Variants in ZNF516 observed in about 807,000 individuals in gnomAD.
The protein encoded by ZNF516 is zinc finger protein 516.
Under a neutral mutation model 79.7 loss-of-function variants are expected in ZNF516, and 19 were observed. The ratio of observed to expected loss-of-function variants is 0.24; its 90% CI spans 0.17 to 0.35. The LOEUF is 0.35. Among genes scored for constraint, ZNF516 ranks in the 10% least tolerant of loss-of-function variants. The pLI is 1.00. For synonymous variants in ZNF516, 877 were observed against 739.5 expected (o/e 1.19, Z -3.02); for missense variants, 1,678 against 1,679.5 (o/e 1.00, Z 0.02).
chr18:76,369,863 T>C (rs1179679030), intron 6 of ZNF516, among the ~76,000 whole-genome samples: 1 of 152,134 alleles, frequency 6.6e-6, no homozygotes, highest in African/African-American at 2.4e-5. Flanking sequence ...GCAATGAAAA[T>C]ACATACTCTC....
intron 3 of ZNF516, among the ~76,000 whole-genome samples, chr18:76,428,328 G>C (rs906177603): frequency 6.6e-6 from 1 of 150,920 alleles, no homozygotes; most frequent in Non-Finnish European, 1.5e-5. Context: ...GACAGACAGA[G>C]GTTGCAGTGA....
At chr18:76,410,728 G>A (rs1433503550) in intron 3 of ZNF516, among the ~76,000 whole-genome samples, 2 of 152,154 alleles carry the variant, frequency 1.3e-5, no homozygotes, top group African/African-American at 4.8e-5. Context: ...GAGTCGGCTG[G>A]AGGAGAAAAA....
rs1270628114 is a variant in ZNF516 at position 76,360,083 on chromosome 18, G to C, written c.*2415C>G. On this transcript the variant is annotated 3_prime_UTR_variant, in exon 7 of 7. Transcript: ENST00000443185. ...CCCTGCGCGGCCCCGCAAGCTGACT[G>C]TCCTCCACGCCTGCTCTCCTGCAAG... is the stretch of plus-strand genomic sequence containing the variant. The C allele has an allele frequency of 2.0e-5, 3 of 152,294 alleles. No homozygotes were observed. The highest frequency in any genetic ancestry group is 4.4e-5 in the Non-Finnish European group (3 of 68,180). The allele number at this position is 152,294 out of a possible 1,614,324, so 9.4% of individuals were successfully genotyped here.
intron 2 of ZNF516, among the ~76,000 whole-genome samples, chr18:76,461,470 T>C (rs1304873456): frequency 1.3e-5 from 2 of 152,198 alleles, no homozygotes. Context: ...GACCAACCTG[T>C]TGGGCTACAC....
intron 3 of ZNF516, among the ~76,000 whole-genome samples, chr18:76,385,491 C>G (rs2074972508): frequency 6.6e-6 from 1 of 152,196 alleles, no homozygotes; most frequent in Admixed American, 6.5e-5. Context: ...ATATACATAA[C>G]AAAAAAGTCT....
intron 1 of ZNF516, among the ~76,000 whole-genome samples, chr18:76,479,263 C>T (rs1228813376): frequency 6.6e-6 from 1 of 152,224 alleles, no homozygotes; most frequent in African/African-American, 2.4e-5. Context: ...CGTTCCAGCT[C>T]TTGCTGCTAA....
intron 1 of ZNF516, among the ~76,000 whole-genome samples, chr18:76,475,115 A>G (rs1200961070): frequency 6.6e-6 from 1 of 152,236 alleles, no homozygotes; most frequent in East Asian, 1.9e-4. Flanking sequence ...AAGATACAAA[A>G]CAAGTTACCC....
chr18:76,385,983 C>T (rs1360070604), intron 3 of ZNF516: 1 of 152,326 alleles, frequency 6.6e-6, no homozygotes. Flanking sequence ...AAACGCATCC[C>T]CATGCTCTCT....
Position 76,362,436 on chromosome 18 carries a change from G to C in ZNF516, c.*62C>G. The C allele has an allele frequency of 1.9e-6, 3 of 1,544,048 alleles. No individual in the cohort carries two copies. Among genetic ancestry groups the C allele is most frequent in the Non-Finnish European group, 2.7e-6 (3 of 1,124,292 alleles). ...CAGGTCACAGGTGGGAGGCTGCTGG[G>C]ACATCGTGAGGGTACTGCTAATGGC... On this transcript the variant is annotated 3_prime_UTR_variant, in exon 7 of 7. Coordinates refer to ENST00000443185, the MANE Select transcript of ZNF516 (RefSeq NM_014643.4).
At chr18:76,492,269 C>A (rs1334446536) in intron 1 of ZNF516, 1 of 985,350 alleles carries the variant, frequency 1.0e-6, no homozygotes, top group Non-Finnish European at 1.2e-6. Flanking sequence ...CGTACGCTTC[C>A]CGAGGTGCGT....
At chr18:76,392,841 A>G (rs1232731143) in intron 3 of ZNF516, among the ~76,000 whole-genome samples, 1 of 35,056 alleles carries the variant, frequency 2.9e-5, no homozygotes, top group Non-Finnish European at 4.9e-5. Flanking sequence ...GAAGCCGGGA[A>G]GGCAGGTGGT....
intron 3 of ZNF516, among the ~76,000 whole-genome samples, chr18:76,415,570 G>A (rs926263159): frequency 1.3e-5 from 2 of 152,150 alleles, no homozygotes; most frequent in African/African-American, 4.8e-5. Flanking sequence ...TGGATTCTGC[G>A]GAGGTGGGTT....
chr18:76,416,245 C>CG (rs1313025794), intron 3 of ZNF516, among the ~76,000 whole-genome samples: 1 of 152,198 alleles, frequency 6.6e-6, no homozygotes, highest in African/African-American at 2.4e-5. Context: ...AAGAGGCGGC[C>CG]GGTTCCCCAG....
At chr18:76,423,500 A>G (rs990310140) in intron 3 of ZNF516, among the ~76,000 whole-genome samples, 10 of 151,722 alleles carry the variant, frequency 6.6e-5, no homozygotes, top group Non-Finnish European at 1.5e-4. Flanking sequence ...CACACATGCC[A>G]GTGAAAAGGT....
intron 6 of ZNF516, among the ~76,000 whole-genome samples, chr18:76,364,291 G>A (rs535114544): frequency 3.9e-5 from 6 of 152,168 alleles, no homozygotes; most frequent in South Asian, 4.2e-4. Context: ...TTGATTCACC[G>A]GAGGCCACCA....
chr18:76,371,247 C>T (rs766423831), intron 5 of ZNF516, among the ~76,000 whole-genome samples: 10 of 152,230 alleles, frequency 6.6e-5, no homozygotes, highest in Non-Finnish European at 1.5e-4. Context: ...ACAGGCTTAT[C>T]TCAAATTAAA....
chr18:76,420,057 C>G (rs1026397924), intron 3 of ZNF516, among the ~76,000 whole-genome samples: 2 of 152,230 alleles, frequency 1.3e-5, no homozygotes, highest in Non-Finnish European at 2.9e-5. Flanking sequence ...ATGGCTCCCA[C>G]AACAGCCCCA....
intron 3 of ZNF516, among the ~76,000 whole-genome samples, chr18:76,392,050 AAGAAGAGC>A (rs2075081556): frequency 6.6e-6 from 1 of 152,338 alleles, no homozygotes; most frequent in East Asian, 1.9e-4. Flanking sequence ...CACACAGCTG[AAGAAGAGC>A]CTCATTTCCG....
At chr18:76,405,002 T>C (rs1412119741) in intron 3 of ZNF516, among the ~76,000 whole-genome samples, 1 of 152,060 alleles carries the variant, frequency 6.6e-6, no homozygotes, top group African/African-American at 2.4e-5. Context: ...GCAACCCAGG[T>C]ATAAGCAGTA....
Sources: gnomAD v4.1 joint callset for allele counts (sites outside exome capture counted in the v4.1 genomes callset) on GRCh38, gnomAD v4.1.1 for gene constraint, MANE v1.5 for transcripts, NCBI Gene and HGNC (gene_info 2026-07-23, HGNC 2026-07-21) for gene names.